ZBBX: variants seen among roughly 807,000 people sequenced by gnomAD.
ZBBX encodes zinc finger B-box domain containing.
A neutral mutation model predicts 108.5 loss-of-function variants in ZBBX; 101 were observed. That is an observed-to-expected ratio of 0.93 (90% CI 0.79 to 1.10). ZBBX has a LOEUF of 1.10. Among genes scored for constraint, ZBBX ranks in the 50% least tolerant of loss-of-function variants. The pLI, the probability that ZBBX is intolerant of heterozygous loss-of-function variation, is 0.00. For missense variants in ZBBX, 1,009 were observed against 941.4 expected, an observed-to-expected ratio of 1.07 and a Z score of -0.94; for synonymous variants, 356 against 323.4, an observed-to-expected ratio of 1.10 and a Z score of -1.08.
At chr3:167,370,067 A>G (rs1378516370) in intron 4 of ZBBX, among the ~76,000 whole-genome samples, 1 of 152,142 alleles carries the variant, frequency 6.6e-6, no homozygotes, top group Non-Finnish European at 1.5e-5. Flanking sequence ...AAAGGGTTTT[A>G]AGAGAATTGA....
At chr3:167,277,655 C>T (rs1576862439) in intron 20 of ZBBX, among the ~76,000 whole-genome samples, 1 of 152,090 alleles carries the variant, frequency 6.6e-6, no homozygotes, top group Admixed American at 6.5e-5. Context: ...TAATGGGAGA[C>T]TTTAACACCC....
chr3:167,394,004 T>C (rs569324237), intron 1 of ZBBX, among the ~76,000 whole-genome samples: 1 of 152,102 alleles, frequency 6.6e-6, no homozygotes, highest in African/African-American at 2.4e-5. Context: ...ATTTTAAAAG[T>C]AGAATATATA....
Position 167,312,289 on chromosome 3 carries a change from A to C in ZBBX, c.1417+1685T>G, listed in dbSNP as rs183751998. Among the ~76,000 whole-genome samples, 6 of 152,334 alleles carry C rather than the reference A, an allele frequency of 3.9e-5. No homozygotes were observed. The East Asian group carries it at 1.2e-3, about 29-fold the overall frequency. On this transcript the variant is annotated intron_variant, in intron 16 of 21. Transcript: ENST00000675490. ...TGCCAGGAGTTGGTCAGAGAGAGGG[A>C]TAAACAGGTGGGGCACAGAGAATTT...
chr3:167,213,748 C>T, the ZBBX span, among the ~76,000 whole-genome samples: 3 of 152,052 alleles, frequency 2.0e-5, no homozygotes, highest in East Asian at 1.9e-4. Context: ...TTTCCAAGGT[C>T]GAAATGAAAG....
intron 9 of ZBBX, among the ~76,000 whole-genome samples, chr3:167,347,641 T>C (rs1290835528): frequency 6.6e-6 from 1 of 152,086 alleles, no homozygotes; most frequent in African/African-American, 2.4e-5. Flanking sequence ...TATTCCTTAG[T>C]AATTCCGTTA....
intron 5 of ZBBX, among the ~76,000 whole-genome samples, chr3:167,367,981 TATATATAC>T (rs371492124): frequency 0.24 from 6,117 of 25,086 alleles, 309 homozygotes; most frequent in African/African-American, 0.37. Flanking sequence ...TATATATATA[TATATATAC>T]ATATATATAT....
chr3:167,350,158 A>T (rs1026450873), intron 9 of ZBBX, among the ~76,000 whole-genome samples: 4 of 152,094 alleles, frequency 2.6e-5, no homozygotes, highest in Admixed American at 1.3e-4. Context: ...TTAAGTGTCA[A>T]GTTCACAGTC....
intron 17 of ZBBX, among the ~76,000 whole-genome samples, chr3:167,301,136 A>C (rs1037474830): frequency 3.3e-5 from 5 of 152,094 alleles, no homozygotes; most frequent in South Asian, 2.1e-4. Context: ...TTCATGTCAC[A>C]CACCTTCCTT....
At chr3:167,237,399 A>G (rs1720274155), downstream of ZBBX, among the ~76,000 whole-genome samples, 1 of 151,972 alleles carries the variant, frequency 6.6e-6, no homozygotes, top group African/African-American at 2.4e-5. Flanking sequence ...GAATTTCAAC[A>G]AGCATGTAAA....
intron 20 of ZBBX, among the ~76,000 whole-genome samples, chr3:167,254,064 T>A (rs1419383328): frequency 1.3e-5 from 2 of 152,154 alleles, no homozygotes; most frequent in Non-Finnish European, 2.9e-5. Context: ...GGGGTAGTTT[T>A]AAAAAACTAA....
intron 9 of ZBBX, among the ~76,000 whole-genome samples, chr3:167,336,632 C>T (rs576679226): frequency 6.6e-6 from 1 of 152,068 alleles, no homozygotes; most frequent in Admixed American, 6.6e-5. Flanking sequence ...GCTTAATTAA[C>T]CTTTTTCCCT....
intron 12 of ZBBX, among the ~76,000 whole-genome samples, chr3:167,320,762 A>G (rs535409926): frequency 2.0e-5 from 3 of 152,028 alleles, no homozygotes; most frequent in Non-Finnish European, 2.9e-5. Context: ...TGAGAAAGAC[A>G]CATACTCTCT....
At chr3:167,183,484 C>T in the ZBBX span, among the ~76,000 whole-genome samples, 1 of 152,228 alleles carries the variant, frequency 6.6e-6, no homozygotes, top group Non-Finnish European at 1.5e-5. Flanking sequence ...TAAAGACACA[C>T]ACACAGAAAT....
At chr3:167,274,306 G>C (rs1255914234) in intron 20 of ZBBX, among the ~76,000 whole-genome samples, 2 of 152,172 alleles carry the variant, frequency 1.3e-5, no homozygotes, top group Non-Finnish European at 2.9e-5. Flanking sequence ...TGATAGGTGT[G>C]CTTATTCTTG....
chr3:167,224,984 C>T, the ZBBX span, among the ~76,000 whole-genome samples: 8 of 151,888 alleles, frequency 5.3e-5, no homozygotes, highest in Non-Finnish European at 8.8e-5. Flanking sequence ...GCACCCCTCA[C>T]AATGTTTCTT....
chr3:167,312,951 G>A (rs1249218959), intron 16 of ZBBX, among the ~76,000 whole-genome samples: 4 of 151,930 alleles, frequency 2.6e-5, no homozygotes, highest in African/African-American at 9.7e-5. Context: ...CTTCACATAC[G>A]ATATATTTAT....
intron 20 of ZBBX, among the ~76,000 whole-genome samples, chr3:167,248,390 C>T (rs1031782082): frequency 2.7e-4 from 41 of 152,224 alleles, no homozygotes; most frequent in African/African-American, 9.1e-4. Flanking sequence ...TTGTACTAAG[C>T]AAGGGGTTCT....
At chr3:167,401,905 C>T (rs760479457) in intron 1 of ZBBX, among the ~76,000 whole-genome samples, 2 of 152,118 alleles carry the variant, frequency 1.3e-5, no homozygotes, top group Non-Finnish European at 2.9e-5. Flanking sequence ...AATCATATTT[C>T]CATATGGGAC....
At chr3:167,272,024 T>C (rs1195169636) in intron 20 of ZBBX, among the ~76,000 whole-genome samples, 3 of 152,212 alleles carry the variant, frequency 2.0e-5, no homozygotes, top group Admixed American at 6.5e-5. Flanking sequence ...GGGAATATCA[T>C]ACACCTTGGC....
Sources: gnomAD v4.1 joint callset for allele counts (sites outside exome capture counted in the v4.1 genomes callset) on GRCh38, gnomAD v4.1.1 for gene constraint, MANE v1.5 for transcripts, NCBI Gene and HGNC (gene_info 2026-07-23, HGNC 2026-07-21) for gene names.